Variants in ATP13A3 observed in about 807,000 individuals in gnomAD.
ATP13A3 encodes polyamine-transporting ATPase 13A3.
Under a neutral mutation model 158.1 loss-of-function variants are expected in ATP13A3, and 59 were observed. That is an observed-to-expected ratio of 0.37 (90% CI 0.30 to 0.46). ATP13A3 has a LOEUF of 0.46. ATP13A3 is among the 20% of genes least tolerant of loss of function. ATP13A3 has a pLI of 1.00. For missense variants in ATP13A3, 1,166 were observed against 1,525.2 expected, an observed-to-expected ratio of 0.76 and a Z score of 3.92; for synonymous variants, 491 against 504.3, an observed-to-expected ratio of 0.97 and a Z score of 0.35.
At chr3:194,409,729 A>G in intron 33 of ATP13A3, among the ~76,000 whole-genome samples, 1 of 84,672 alleles carries the variant, frequency 1.2e-5, no homozygotes, top group African/African-American at 8.6e-5. Flanking sequence ...TTGGTCAGAG[A>G]GTAAGTATTA....
chr3:194,428,268 TA>T (rs1342500190), intron 28 of ATP13A3, among the ~76,000 whole-genome samples: 1 of 151,800 alleles, frequency 6.6e-6, no homozygotes, highest in Non-Finnish European at 1.5e-5. Flanking sequence ...TTTCCCTTTG[TA>T]ACTAGCACCT....
chr3:194,409,693 A>ATTTTTTTTTTTTTTTTTTTTTTT lies in ATP13A3; in HGVS notation c.3573+2483_3573+2505dup, dbSNP rs71179358. Among the ~76,000 whole-genome samples, 23 of 93,992 alleles carry ATTTTTTTTTTTTTTTTTTTTTTT rather than the reference A, an allele frequency of 2.4e-4. 2 individuals carry two copies. Among genetic ancestry groups the ATTTTTTTTTTTTTTTTTTTTTTT allele is most frequent in the African/African-American group, 5.4e-4 (11 of 20,348 alleles). 61.7% of individuals were successfully genotyped at this position (93,992 alleles called of 152,430 possible). ...TGCTTGATAATCACTGACGTAAAGAATTTTTTTTTTTTTTTTTTTTTTTTT... is the reference window on the plus strand; with the variant it reads ...TGCTTGATAATCACTGACGTAAAGAATTTTTTTTTTTTTTTTTTTTTTTTTTTTTTTTTTTTTTTTTTTTTTTT... On this transcript the variant is annotated intron_variant, in intron 33 of 33. Transcript: ENST00000645319.
intron 20 of ATP13A3, among the ~76,000 whole-genome samples, chr3:194,435,368 G>A (rs1415153339): frequency 6.6e-6 from 1 of 152,070 alleles, no homozygotes; most frequent in Non-Finnish European, 1.5e-5. Context: ...AACGATACAG[G>A]TCAAGGAAAT....
At chr3:194,407,343 T>C (rs1715009867) in intron 33 of ATP13A3, among the ~76,000 whole-genome samples, 1 of 152,240 alleles carries the variant, frequency 6.6e-6, no homozygotes, top group Admixed American at 6.5e-5. Flanking sequence ...CATATTCTAA[T>C]GTTACCCAAA....
At chr3:194,413,076 A>G (rs1270822790) in intron 32 of ATP13A3, 1 of 152,280 alleles carries the variant, frequency 6.6e-6, no homozygotes, top group Non-Finnish European at 1.5e-5. Context: ...AGAGTCAATT[A>G]TGATAGTAGT....
Position 194,404,367 on chromosome 3 carries a change from T to C in ATP13A3, c.*1552A>G, listed in dbSNP as rs1714799419. The stretch of plus-strand genomic sequence containing the variant: ...TAGTTACCAAACATCATCCAGGTCT[T>C]TGCAGCATAAAGAGTGAGAACCATT... On this transcript the variant is annotated 3_prime_UTR_variant, in exon 34 of 34. Coordinates refer to ENST00000645319, the MANE Select transcript of ATP13A3 (RefSeq NM_001367549.1). The C allele has an allele frequency of 4.5e-6, 1 of 222,960 alleles. No individual in the cohort carries two copies. The allele number at this position is 222,960 out of a possible 1,614,324, so 13.8% of individuals were successfully genotyped here. A position where few individuals can be genotyped will look rare whatever the true frequency, so the allele number is the denominator to read the frequency against.
At chr3:194,410,937 G>GGTGTGTGTGTGTGTGT (rs34952393) in intron 33 of ATP13A3, among the ~76,000 whole-genome samples, 1 of 127,228 alleles carries the variant, frequency 7.9e-6, no homozygotes, top group Non-Finnish European at 1.6e-5. Flanking sequence ...GGGGTGTTGG[G>GGTGTGTGTGTGTGTGT]GTGTGTGTGT....
intron 16 of ATP13A3, among the ~76,000 whole-genome samples, chr3:194,440,517 C>T (rs1216676935): frequency 2.0e-5 from 3 of 152,178 alleles, no homozygotes; most frequent in Non-Finnish European, 4.4e-5. Context: ...ATCCCCCATC[C>T]CCCAACAAGC....
chr3:194,424,824 T>C (rs566585503), intron 30 of ATP13A3, among the ~76,000 whole-genome samples: 2 of 152,264 alleles, frequency 1.3e-5, no homozygotes, highest in African/African-American at 4.8e-5. Flanking sequence ...CATGCAAAGA[T>C]ACTAGAAATG....
intron 29 of ATP13A3, among the ~76,000 whole-genome samples, chr3:194,425,850 T>C (rs1716730130): frequency 6.6e-6 from 1 of 152,240 alleles, no homozygotes; most frequent in Non-Finnish European, 1.5e-5. Flanking sequence ...ACCCAAGCAC[T>C]ATCACTTTTC....
intron 20 of ATP13A3, among the ~76,000 whole-genome samples, chr3:194,434,811 T>C (rs1298690652): frequency 6.6e-6 from 1 of 152,144 alleles, no homozygotes; most frequent in East Asian, 1.9e-4. Flanking sequence ...TCCCACTACT[T>C]GGAAGGCTTG....
At chr3:194,479,152 T>C (rs1720651356) in intron 2 of ATP13A3, among the ~76,000 whole-genome samples, 1 of 152,194 alleles carries the variant, frequency 6.6e-6, no homozygotes, top group Admixed American at 6.5e-5. Context: ...ATGAGCTTAT[T>C]CTATTCTCTT....
At chr3:194,440,137 A>C (rs1717941758) in intron 16 of ATP13A3, among the ~76,000 whole-genome samples, 1 of 152,166 alleles carries the variant, frequency 6.6e-6, no homozygotes, top group African/African-American at 2.4e-5. Context: ...ACAAACCTGA[A>C]GGAAGGGATT....
chr3:194,447,211 T>C, intron 13 of ATP13A3, 96 bp from the exon 14 acceptor site: 7 of 1,056,122 alleles, frequency 6.6e-6, no homozygotes, highest in South Asian at 1.5e-5. Context: ...CCATTTTCAA[T>C]TGTATATTTC....
rs1017362496 is a variant in ATP13A3, at chr3:194,405,337, A to G, written c.*582T>C. The G allele has an allele frequency of 2.0e-5, 3 of 152,462 alleles. No homozygotes were observed. Among genetic ancestry groups the G allele is most frequent in the Non-Finnish European group, 2.9e-5 (2 of 68,226 alleles). The allele number at this position is 152,462 out of a possible 1,614,324, so 9.4% of individuals were successfully genotyped here. A position where few individuals can be genotyped will look rare whatever the true frequency, so the allele number is the denominator to read the frequency against. On this transcript the variant is annotated 3_prime_UTR_variant, in exon 34 of 34. Coordinates refer to ENST00000645319, the MANE Select transcript of ATP13A3 (RefSeq NM_001367549.1). ...TGGAGATTACCTGAGTTGTTCTATAAGCAACACCATAAACACTCATTCCTA... is the reference window on the plus strand; with the variant it reads ...TGGAGATTACCTGAGTTGTTCTATAGGCAACACCATAAACACTCATTCCTA...
chr3:194,451,207 AC>A (rs1718783921), intron 10 of ATP13A3: 1 of 152,204 alleles, frequency 6.6e-6, no homozygotes, highest in Non-Finnish European at 1.5e-5. Context: ...TGAGGGAACA[AC>A]TTTTAAAGAA....
Position 194,431,168 on chromosome 3 carries a change from T to C in ATP13A3, c.2480A>G (p.His827Arg). ...SLEDLQMTRYHFAMNGKSFSV... is the reference protein window; with the variant it reads ...SLEDLQMTRYRFAMNGKSFSV... ...GAATGATTTTCCATTCATTGCAAAA[T>C]GATAACGAGTCATTTGAAGATCCTC... The change falls in exon 23 of 34, where the codon CAT becomes CGT. Residue 827 changes from histidine to arginine, a missense_variant. His to Arg is a conservative substitution (Grantham distance 29). This residue lies in a region of ATP13A3 where 997 missense variants were observed against 1,341.2 expected (regional missense o/e 0.74). Transcript: ENST00000645319. 6.2e-7 allele frequency: 1 copy of C among 1,613,852 alleles called. No individual in the cohort carries two copies. The highest frequency in any genetic ancestry group is 8.5e-7 in the Non-Finnish European group (1 of 1,179,760).
intron 15 of ATP13A3, among the ~76,000 whole-genome samples, chr3:194,443,949 C>A (rs546636242): frequency 2.1e-4 from 32 of 152,134 alleles, no homozygotes; most frequent in Admixed American, 2.0e-3. Flanking sequence ...TGCTAAATGA[C>A]CCTCCCTCCA....
At position 194,403,931 on chromosome 3, in the gene ATP13A3, CA is replaced by C; in HGVS notation, c.*1987del. ...TGTTAAAAAAGTGGGGGGGGGGTGT[CA>C]AAAATAGCTCTTTATGATCATGCTC... On this transcript the variant is annotated 3_prime_UTR_variant, in exon 34 of 34. Coordinates refer to ENST00000645319, the MANE Select transcript of ATP13A3 (RefSeq NM_001367549.1). 3.3e-6 allele frequency: 1 copy of C among 302,250 alleles called. No homozygotes were observed. Among genetic ancestry groups the C allele is most frequent in the Admixed American group, 4.8e-5 (1 of 20,700 alleles). The allele number at this position is 302,250 out of a possible 1,614,324, so 18.7% of individuals were successfully genotyped here.
Sources: allele counts gnomAD v4.1 joint callset (sites outside exome capture counted in the v4.1 genomes callset), GRCh38; gene constraint gnomAD v4.1.1; regional missense constraint gnomAD v4.1.1; transcripts MANE v1.5; gene names NCBI Gene and HGNC (gene_info 2026-07-23, HGNC 2026-07-21).